The following KMT2A variants were observed in gnomAD, a reference collection of about 807,000 sequenced individuals.
KMT2A encodes the protein lysine methyltransferase 2A.
In KMT2A, 16 loss-of-function variants were observed where a neutral mutation model predicts 345.3. The observed-to-expected ratio is 0.05, with a 90% CI of 0.03 to 0.07. KMT2A has a LOEUF of 0.07. KMT2A is among the 10% of genes least tolerant of loss of function. The pLI is 1.00. For synonymous variants in KMT2A, 1,599 were observed against 1,778.6 expected (o/e 0.90, Z 2.54); for missense variants, 3,272 against 4,841.6 (o/e 0.68, Z 9.62).
chr11:118,513,652 TAC>T (rs1950737687), intron 31 of KMT2A, among the ~76,000 whole-genome samples: 1 of 151,868 alleles, frequency 6.6e-6, no homozygotes, highest in East Asian at 1.9e-4. Flanking sequence ...CATGAAAGGG[TAC>T]TCAATCTCAG....
intron 15 of KMT2A, among the ~76,000 whole-genome samples, chr11:118,492,511 C>G (rs962703509): frequency 5.9e-5 from 9 of 152,218 alleles, no homozygotes; most frequent in African/African-American, 2.2e-4. Flanking sequence ...AACCCCGTCT[C>G]TACTAAAAAT....
At chr11:118,499,777 CAA>C in intron 23 of KMT2A, 56 bp from the exon 24 acceptor site, 13 of 1,337,956 alleles carry the variant, frequency 9.7e-6, no homozygotes, top group Non-Finnish European at 1.3e-5. Context: ...GAGACTCTCT[CAA>C]AAAAATAAAA....
In KMT2A at chr11:118,472,026, G is replaced by C. The variant is rs1949951648; in HGVS notation, c.867G>C (p.Lys289Asn). ...TCAAGTCTAAGTTTAAGACAGGGAA[G>C]CTTCAAATAGGAAGGAAGGGGGTAC... ...SPLKSKFKTGKLQIGRKGVQI... is the reference protein window; with the variant it reads ...SPLKSKFKTGNLQIGRKGVQI... Residue 289 changes from lysine (K) to asparagine (N), a missense_variant, in exon 3 of 36, where the codon AAG (lysine) becomes AAC (asparagine). Around this residue, in one of 27 missense-constraint regions of KMT2A, gnomAD observed 412 missense variants for 511.0 expected, o/e 0.81. Transcript: ENST00000534358. 1 of 1,613,516 alleles carries C rather than the reference G, an allele frequency of 6.2e-7. No individual in the cohort carries two copies. The highest frequency in any genetic ancestry group is 1.7e-5 in the Admixed American group (1 of 59,850).
At chr11:118,488,570 C>T in intron 10 of KMT2A, 44 bp from the exon 11 acceptor site, 1 of 1,600,456 alleles carries the variant, frequency 6.2e-7, no homozygotes, top group Non-Finnish European at 8.6e-7. Context: ...TGTTTTTCTA[C>T]ATATTATTTG....
At position 118,510,242 on chromosome 11, in the gene KMT2A, G is replaced by T; in HGVS notation, c.11071+124G>T. ...CTAGATGGTAGGGGGATACCTGGAG[G>T]CATCATACATTTTCCTTGTCCTTGA... On this transcript the variant is annotated intron_variant, in intron 30 of 35. Transcript: ENST00000534358. This position sits in a 1 kb window ranked among gnomAD's most constrained non-coding sequence, Gnocchi z 4.1. 1 of 683,218 alleles carries T rather than the reference G, an allele frequency of 1.5e-6. No individual in the cohort carries two copies. The highest frequency in any genetic ancestry group is 2.8e-5 in the East Asian group (1 of 36,166). The allele number at this position is 683,218 out of a possible 1,614,324, so 42.3% of individuals were successfully genotyped here.
At position 118,498,490 on chromosome 11, in the gene KMT2A, G is replaced by A. The variant is rs2134367713; in HGVS notation, c.5923G>A (p.Val1975Ile). The A allele has an allele frequency of 1.2e-6, 2 of 1,611,064 alleles. No individual in the cohort carries two copies. The highest frequency in any genetic ancestry group is 1.7e-6 in the Non-Finnish European group (2 of 1,178,678). The change falls in exon 22 of 36, where the codon GTA becomes ATA. Residue 1975 changes from valine to isoleucine, a missense_variant. Val to Ile is a conservative substitution (Grantham distance 29). Coordinates refer to ENST00000534358, the MANE Select transcript of KMT2A (RefSeq NM_001197104.2). The surrounding 1 kb of genome is among the most constrained non-coding windows in gnomAD (Gnocchi z 4.4). ...KNCVFLDDKK[V>I]YCQRHRDLIK... ...CTGTGTCTTTCTGGATGATAAAAAA[G>A]TATATTGCCAACGACATCGGGATTT...
In KMT2A at chr11:118,472,026, G is replaced by A. The variant is rs1949951648; in HGVS notation, c.867G>A (p.Lys289=). The A allele has an allele frequency of 6.2e-7, 1 of 1,613,516 alleles. No homozygotes were observed. The highest frequency in any genetic ancestry group is 8.5e-7 in the Non-Finnish European group (1 of 1,179,868). ...SPLKSKFKTG[K]LQIGRKGVQI... Reference sequence around the variant, plus strand: ...TCAAGTCTAAGTTTAAGACAGGGAAGCTTCAAATAGGAAGGAAGGGGGTAC... The same window carrying A: ...TCAAGTCTAAGTTTAAGACAGGGAAACTTCAAATAGGAAGGAAGGGGGTAC... Residue 289 remains lysine, a synonymous_variant, in exon 3 of 36, where the codon AAG becomes AAA. Coordinates refer to ENST00000534358, the MANE Select transcript of KMT2A (RefSeq NM_001197104.2).
chr11:118,507,725 G>A lies in KMT2A; in HGVS notation c.10835+116G>A, dbSNP rs1309246754. 5 of 758,590 alleles carry A rather than the reference G, an allele frequency of 6.6e-6. No individual in the cohort carries two copies. The African/African-American group carries it at 6.9e-5, about 10-fold the overall frequency. 47.0% of individuals were successfully genotyped at this position (758,590 alleles called of 1,614,324 possible). A position where few individuals can be genotyped will look rare whatever the true frequency, so the allele number is the denominator to read the frequency against. On this transcript the variant is annotated intron_variant, in intron 28 of 35. Coordinates refer to ENST00000534358, the MANE Select transcript of KMT2A (RefSeq NM_001197104.2). ...CACGCCTGTAATCCTAGTAGTCTGG[G>A]AGGCCGAGGCAGGTGGATCACGAGG... is the stretch of plus-strand genomic sequence containing the variant.
Position 118,517,161 on chromosome 11 carries a change from T to G in KMT2A, c.11147-2457T>G, listed in dbSNP as rs1950833385. Among the ~76,000 whole-genome samples, 4 of 151,754 alleles carry G rather than the reference T, an allele frequency of 2.6e-5. No homozygotes were observed. The South Asian group carries it at 8.3e-4, about 31-fold the overall frequency. ...CTGTAATCCCATCACTTTGGGAGGC[T>G]GAGGTGGGCAGATCACGAGGTCAGG... On this transcript the variant is annotated intron_variant, in intron 31 of 35. Transcript: ENST00000534358.
At chr11:118,459,617 G>A (rs1032632252) in intron 1 of KMT2A, among the ~76,000 whole-genome samples, 2 of 152,070 alleles carry the variant, frequency 1.3e-5, no homozygotes, top group Non-Finnish European at 2.9e-5. Context: ...AGCCTGGTAG[G>A]TAAAGAACTC....
In KMT2A at chr11:118,525,611, A is replaced by T. The variant is rs1379171199; in HGVS notation, c.*3439A>T. 4.9e-6 allele frequency: 1 copy of T among 202,274 alleles called. No homozygotes were observed. The highest frequency in any genetic ancestry group is 1.0e-5 in the Non-Finnish European group (1 of 100,244). The allele number at this position is 202,274 out of a possible 1,614,324, so 12.5% of individuals were successfully genotyped here. ...CCTTGATTTAAAAAAAATAAAAAAT[A>T]AAAAAAAAAGGAAAAAAAAATACAA... On this transcript the variant is annotated 3_prime_UTR_variant, in exon 36 of 36. Coordinates refer to ENST00000534358, the MANE Select transcript of KMT2A (RefSeq NM_001197104.2).
Position 118,493,869 on chromosome 11 carries a change from G to C in KMT2A, c.5179-419G>C, listed in dbSNP as rs1375167217. Among the ~76,000 whole-genome samples the C allele has an allele frequency of 6.6e-6, 1 of 151,988 alleles. No homozygotes were observed. ...GGATTACATAAGCATGTGCCACCAT[G>C]CCTGGCTAATTTTGTATTTTTGGCG... On this transcript the variant is annotated intron_variant, in intron 16 of 35. Coordinates refer to ENST00000534358, the MANE Select transcript of KMT2A (RefSeq NM_001197104.2). The surrounding 1 kb of genome is among the most constrained non-coding windows in gnomAD (Gnocchi z 5.8).
intron 22 of KMT2A, among the ~76,000 whole-genome samples, chr11:118,499,042 T>A (rs1303045049): frequency 6.6e-6 from 1 of 152,236 alleles, no homozygotes; most frequent in Non-Finnish European, 1.5e-5. Context: ...AGTCTTTTCA[T>A]GGCTTATTTA....
At position 118,478,232 on chromosome 11, in the gene KMT2A, C is replaced by T. The variant is rs1023489123; in HGVS notation, c.3569+31C>T. The stretch of plus-strand genomic sequence containing the variant: ...TGGGTGTTTCACTCTGAGATGTTGA[C>T]CTCTCAACCATAAAGGTTGCTTATT... On this transcript the variant is annotated intron_variant, in intron 5 of 35. Coordinates refer to ENST00000534358, the MANE Select transcript of KMT2A (RefSeq NM_001197104.2). 3.9e-6 allele frequency: 6 copies of T among 1,530,240 alleles called. No individual in the cohort carries two copies. In the African/African-American group the frequency reaches 5.5e-5, roughly 14 times the overall value. 94.8% of individuals were successfully genotyped at this position (1,530,240 alleles called of 1,614,324 possible).
intron 10 of KMT2A, among the ~76,000 whole-genome samples, chr11:118,488,209 TAA>T (rs1361424016): frequency 6.6e-6 from 1 of 151,948 alleles, no homozygotes; most frequent in African/African-American, 2.4e-5. Context: ...TTAAAACAAT[TAA>T]AAAAATAAAA....
At position 118,490,005 on chromosome 11, in the gene KMT2A, A is replaced by G. The variant is rs1431604539; in HGVS notation, c.4575+118A>G. On this transcript the variant is annotated intron_variant, in intron 12 of 35. Transcript: ENST00000534358. The surrounding 1 kb of genome is among the most constrained non-coding windows in gnomAD (Gnocchi z 4.2). ...GTCAGTATGACAATCTTTTTGCCTC[A>G]TTACTAGGAAATCATCTCAGCAGAG... 15 of 1,428,136 alleles carry G rather than the reference A, an allele frequency of 1.1e-5. No individual in the cohort carries two copies. The highest frequency in any genetic ancestry group is 1.3e-5 in the Non-Finnish European group (13 of 1,033,712). The allele number at this position is 1,428,136 out of a possible 1,614,324, so 88.5% of individuals were successfully genotyped here. A position where few individuals can be genotyped will look rare whatever the true frequency, so the allele number is the denominator to read the frequency against.
rs1950393645 is a variant in KMT2A at position 118,495,458 on chromosome 11, C to G, written c.5364-242C>G. 6.6e-6 allele frequency among the ~76,000 whole-genome samples: 1 copy of G among 152,062 alleles called. No individual in the cohort carries two copies. Among genetic ancestry groups the G allele is most frequent in the African/African-American group, 2.4e-5 (1 of 41,400 alleles). Reference sequence around the variant, plus strand: ...AGGCATGAGCCACCATGCCCGGCCTCTTTTGAGTTTTTGATAGGGTTATCA... The same window carrying G: ...AGGCATGAGCCACCATGCCCGGCCTGTTTTGAGTTTTTGATAGGGTTATCA... On this transcript the variant is annotated intron_variant, in intron 18 of 35. Coordinates refer to ENST00000534358, the MANE Select transcript of KMT2A (RefSeq NM_001197104.2). The surrounding 1 kb of genome is among the most constrained non-coding windows in gnomAD (Gnocchi z 4.1).
Position 118,473,221 on chromosome 11 carries a change from T to A in KMT2A, c.2062T>A (p.Phe688Ile), listed in dbSNP as rs369566552. 1.9e-5 allele frequency: 30 copies of A among 1,612,620 alleles called. No individual in the cohort carries two copies. The highest frequency in any genetic ancestry group is 2.5e-5 in the Non-Finnish European group (30 of 1,179,368). The change falls in exon 3 of 36, where the codon TTT becomes ATT. Residue 688 changes from phenylalanine (F) to isoleucine (I), a missense_variant. By Grantham distance (21) the Phe-to-Ile change is conservative. Around this residue, in one of 27 missense-constraint regions of KMT2A, gnomAD observed 114 missense variants for 203.2 expected, o/e 0.56. Coordinates refer to ENST00000534358, the MANE Select transcript of KMT2A (RefSeq NM_001197104.2). This position sits in a 1 kb window ranked among gnomAD's most constrained non-coding sequence, Gnocchi z 5.2. ...LFSPLHSGTR[F>I]DMHKRSPLLR... ...TTCGCCACTCCATTCTGGAACAAGG[T>A]TTGATATGCACAAAAGGAGCCCTCT... is the stretch of plus-strand genomic sequence containing the variant.
rs1555048392 is a variant in KMT2A, at chr11:118,506,342, T to C, written c.10450T>C (p.Ser3484Pro). 2 of 1,614,146 alleles carry C rather than the reference T, an allele frequency of 1.2e-6. No homozygotes were observed. The highest frequency in any genetic ancestry group is 1.7e-6 in the Non-Finnish European group (2 of 1,180,022). The stretch of plus-strand genomic sequence containing the variant: ...TGATTCTGCTTCAGGGCCCCAGGTA[T>C]CCAACTTTACCCAGACGGTAGACGC... ...DLDSASGPQV[S>P]NFTQTVDAPN... The change falls in exon 27 of 36, where the codon TCC becomes CCC. Residue 3484 changes from serine (S) to proline (P), a missense_variant. Physicochemically the swap from Ser to Pro is moderately conservative, Grantham distance 74. This residue lies in a region of KMT2A where 748 missense variants were observed against 922.2 expected (regional missense o/e 0.81). Coordinates refer to ENST00000534358, the MANE Select transcript of KMT2A (RefSeq NM_001197104.2).
Sources: allele counts gnomAD v4.1 joint callset (sites outside exome capture counted in the v4.1 genomes callset), GRCh38; gene constraint gnomAD v4.1.1; regional missense constraint gnomAD v4.1.1; non-coding constraint Gnocchi (gnomAD v3.1); transcripts MANE v1.5; gene names NCBI Gene and HGNC (gene_info 2026-07-23, HGNC 2026-07-21).